PSTPIP1: variants seen among roughly 807,000 people sequenced by gnomAD.
PSTPIP1 encodes proline-serine-threonine phosphatase-interacting protein 1.
A neutral mutation model predicts 69.6 loss-of-function variants in PSTPIP1; 66 were observed. That is an observed-to-expected ratio of 0.95 (90% CI 0.78 to 1.16). The LOEUF (loss-of-function observed/expected upper bound fraction) is 1.16. Among genes scored for constraint, PSTPIP1 ranks in the 50% most tolerant of loss-of-function variants. The pLI, the probability that PSTPIP1 is intolerant of heterozygous loss-of-function variation, is 0.00. For missense variants in PSTPIP1, 603 were observed against 557.4 expected, an observed-to-expected ratio of 1.08 and a Z score of -0.82; for synonymous variants, 266 against 222.7, an observed-to-expected ratio of 1.19 and a Z score of -1.73.
rs145114353 is a variant in PSTPIP1, at chr15:77,023,204, A to G, written c.213-2080A>G. Among the ~76,000 whole-genome samples the G allele has an allele frequency of 2.5e-3, 385 of 151,670 alleles. 3 individuals are homozygous for G. Among genetic ancestry groups the G allele is most frequent in the African/African-American group, 8.5e-3 (350 of 40,942 alleles). ...TGAGCCTGGGGACAATGAGGAGGAGAGCCAGGCATTGCCCCTGTCCTCAAG... is the reference window on the plus strand; with the variant it reads ...TGAGCCTGGGGACAATGAGGAGGAGGGCCAGGCATTGCCCCTGTCCTCAAG... On this transcript the variant is annotated intron_variant, in intron 3 of 14. Transcript: ENST00000558012.
At position 76,995,468 on chromosome 15, in the gene PSTPIP1, G is replaced by C. The variant is rs755790871; in HGVS notation, c.-106G>C. 10 of 1,589,162 alleles carry C rather than the reference G, an allele frequency of 6.3e-6. No individual in the cohort carries two copies. The East Asian group carries it at 2.3e-4, about 36-fold the overall frequency. Reference sequence around the variant, plus strand: ...CAGACGGCGCCGGCCGGGAAGGGGGGCCTGGGCCAGCCCTGCCAGGACTGG... The same window carrying C: ...CAGACGGCGCCGGCCGGGAAGGGGGCCCTGGGCCAGCCCTGCCAGGACTGG... On this transcript the variant is annotated 5_prime_UTR_variant, in exon 1 of 15. Transcript: ENST00000558012.
rs1027668020 is a variant in PSTPIP1 at position 77,022,988 on chromosome 15, CA to C, written c.213-2295del. 3.0e-4 allele frequency among the ~76,000 whole-genome samples: 46 copies of C among 152,326 alleles called. 1 individual carries two copies. Among genetic ancestry groups the C allele is most frequent in the Middle Eastern group, 3.4e-3 (1 of 292 alleles). On this transcript the variant is annotated intron_variant, in intron 3 of 14. Coordinates refer to ENST00000558012, the MANE Select transcript of PSTPIP1 (RefSeq NM_003978.5). ...CAGACCATCACTGTCAAGACTGTCC[CA>C]GGGGTGGGACAGAGGCTGAATGTCC...
intron 5 of PSTPIP1, among the ~76,000 whole-genome samples, chr15:77,026,961 T>C (rs557501782): frequency 1.3e-5 from 2 of 152,334 alleles, no homozygotes; most frequent in East Asian, 3.9e-4. Context: ...CGCTGTGTTG[T>C]AGTGTGTGCC....
chr15:77,024,039 T>A (rs905912275), intron 3 of PSTPIP1: 2 of 152,328 alleles, frequency 1.3e-5, no homozygotes, highest in African/African-American at 4.8e-5. Flanking sequence ...GCTCCTTCAC[T>A]CCTCTGACCC....
At chr15:77,029,094 G>A (rs2076354306) in intron 7 of PSTPIP1, among the ~76,000 whole-genome samples, 1 of 152,246 alleles carries the variant, frequency 6.6e-6, no homozygotes, top group South Asian at 2.1e-4. Flanking sequence ...TCCTGATGCT[G>A]TGGCCCCTAG....
At chr15:77,016,944 G>A (rs1308799137) in intron 1 of PSTPIP1, among the ~76,000 whole-genome samples, 2 of 152,150 alleles carry the variant, frequency 1.3e-5, no homozygotes, top group African/African-American at 2.4e-5. Context: ...CCTGGAGTGT[G>A]CGTGACCTTG....
intron 1 of PSTPIP1, among the ~76,000 whole-genome samples, chr15:76,997,502 T>C (rs773783878): frequency 3.3e-5 from 5 of 152,248 alleles, no homozygotes; most frequent in African/African-American, 1.2e-4. Flanking sequence ...TGTATGCATA[T>C]TCACTCATTC....
intron 1 of PSTPIP1, among the ~76,000 whole-genome samples, chr15:76,996,189 C>T (rs369049458): frequency 6.6e-6 from 1 of 152,194 alleles, no homozygotes; most frequent in African/African-American, 2.4e-5. Context: ...CTTAGGGGTC[C>T]TTCAAGGAGG....
intron 3 of PSTPIP1, among the ~76,000 whole-genome samples, chr15:77,021,593 C>G (rs1376452546): frequency 6.6e-6 from 1 of 152,152 alleles, no homozygotes; most frequent in Admixed American, 6.5e-5. Context: ...GCAGGAGAAT[C>G]ACTTGAACCT....
intron 3 of PSTPIP1, among the ~76,000 whole-genome samples, 189 bp downstream of exon 3, chr15:77,018,720 G>A (rs2076103035): frequency 6.6e-6 from 1 of 152,132 alleles, no homozygotes; most frequent in Admixed American, 6.5e-5. Context: ...GAAGCCCGAG[G>A]GTCTGAGTTC....
chr15:77,001,640 A>T (rs1307268826), intron 1 of PSTPIP1, among the ~76,000 whole-genome samples: 2 of 152,222 alleles, frequency 1.3e-5, no homozygotes, highest in African/African-American at 2.4e-5. Context: ...CATCTGTCAG[A>T]AGCAGTGAGG....
intron 3 of PSTPIP1, among the ~76,000 whole-genome samples, chr15:77,024,726 T>TTCCCTCCC (rs67239232): frequency 2.0e-4 from 29 of 143,420 alleles, no homozygotes; most frequent in Admixed American, 1.5e-3. Context: ...TGCTGGGCCC[T>TTCCCTCCC]TCCCTCCCTC....
In PSTPIP1 at chr15:77,030,555, G is replaced by T; in HGVS notation, c.616G>T (p.Glu206Ter). 6.2e-7 allele frequency: 1 copy of T among 1,610,304 alleles called. No homozygotes were observed. Among genetic ancestry groups the T allele is most frequent in the East Asian group, 2.2e-5 (1 of 44,750 alleles). ...AQLEKVRAEW[E>*]QEHRTTCEAF... Reference sequence around the variant, plus strand: ...GCTGGAGAAGGTCCGGGCTGAGTGGGAGCAGGAGCACCGGACCACCTGTGA... The same window carrying T: ...GCTGGAGAAGGTCCGGGCTGAGTGGTAGCAGGAGCACCGGACCACCTGTGA... Residue 206 changes from glutamate (E) to a stop codon, truncating the protein, a stop_gained, in exon 9 of 15, where the codon GAG (glutamate) becomes TAG (stop). Coordinates refer to ENST00000558012, the MANE Select transcript of PSTPIP1 (RefSeq NM_003978.5). LOFTEE classifies it high-confidence loss of function.
At chr15:77,026,209 G>A (rs1458899272) in intron 5 of PSTPIP1, 2 of 455,850 alleles carry the variant, frequency 4.4e-6, no homozygotes, top group Non-Finnish European at 8.8e-6. Flanking sequence ...TTGTCAGGGA[G>A]GCTGCAGGGC....
intron 3 of PSTPIP1, chr15:77,024,419 C>G (rs2076227813): frequency 6.6e-6 from 1 of 152,222 alleles, no homozygotes; most frequent in Non-Finnish European, 1.5e-5. Context: ...GCGCTGCCCC[C>G]TCCACCCAGG....
chr15:77,000,458 G>GATATATAT (rs148680520), intron 1 of PSTPIP1, among the ~76,000 whole-genome samples: 35 of 139,118 alleles, frequency 2.5e-4, no homozygotes, highest in African/African-American at 5.1e-4. Flanking sequence ...CATTTAAAGA[G>GATATATAT]AGATATATAT....
chr15:77,018,112 C>A, intron 1 of PSTPIP1, 36 bp from the exon 2 acceptor site: 2 of 1,548,410 alleles, frequency 1.3e-6, no homozygotes, highest in South Asian at 2.4e-5. Flanking sequence ...GTCGCCTGGT[C>A]GTGGCCCTCA....
chr15:76,997,198 G>T (rs868028339), intron 1 of PSTPIP1, among the ~76,000 whole-genome samples: 1 of 152,218 alleles, frequency 6.6e-6, no homozygotes, highest in Non-Finnish European at 1.5e-5. Context: ...CTCTGTGCTC[G>T]TCGCACCTCT....
At chr15:77,032,011 G>A (rs2076430103) in intron 10 of PSTPIP1, among the ~76,000 whole-genome samples, 1 of 152,188 alleles carries the variant, frequency 6.6e-6, no homozygotes. Context: ...CTGTGACCTT[G>A]GGCAAGTCAC....
Sources: gnomAD v4.1 joint callset for allele counts (sites outside exome capture counted in the v4.1 genomes callset) on GRCh38, gnomAD v4.1.1 for gene constraint, MANE v1.5 for transcripts, NCBI Gene and HGNC (gene_info 2026-07-23, HGNC 2026-07-21) for gene names.